PITPNC1: variants seen among roughly 807,000 people sequenced by gnomAD.
PITPNC1 encodes phosphatidylinositol transfer protein cytoplasmic 1.
Under a neutral mutation model 44.7 loss-of-function variants are expected in PITPNC1, and 18 were observed. The ratio of observed to expected loss-of-function variants is 0.40; its 90% CI spans 0.28 to 0.60. The LOEUF is 0.60. PITPNC1 is among the 20% of genes least tolerant of loss of function. The pLI, the probability that PITPNC1 is intolerant of heterozygous loss-of-function variation, is 0.39. For synonymous variants in PITPNC1, 141 were observed against 149.6 expected (o/e 0.94, Z 0.42); for missense variants, 290 against 418.4 (o/e 0.69, Z 2.68).
chr17:67,406,100 A>T (rs1226128555), intron 1 of PITPNC1, among the ~76,000 whole-genome samples: 1 of 152,132 alleles, frequency 6.6e-6, no homozygotes, highest in African/African-American at 2.4e-5. Context: ...TCTTAAGGTT[A>T]TGCACCCATC....
At chr17:67,444,917 A>G (rs544812025) in intron 1 of PITPNC1, among the ~76,000 whole-genome samples, 3 of 152,130 alleles carry the variant, frequency 2.0e-5, no homozygotes, top group African/African-American at 7.2e-5. Flanking sequence ...AAGGCAAGGT[A>G]TATAAGTGTA....
At chr17:67,642,399 A>G (rs1030004489) in intron 6 of PITPNC1, among the ~76,000 whole-genome samples, 2 of 152,192 alleles carry the variant, frequency 1.3e-5, no homozygotes, top group African/African-American at 4.8e-5. Context: ...GGGTGCCCAG[A>G]GGTTTAGGAC....
Position 67,694,665 on chromosome 17 carries a change from T to A in PITPNC1, c.*1777T>A, listed in dbSNP as rs1446031729. On this transcript the variant is annotated 3_prime_UTR_variant, in exon 9 of 9. Transcript: ENST00000581322. The stretch of plus-strand genomic sequence containing the variant: ...GAACTCAAAGGAAACCTGTTGCAAA[T>A]AGCTTAGATCAACAGTGTATCTCTT... 1 of 152,150 alleles carries A rather than the reference T, an allele frequency of 6.6e-6. No individual in the cohort carries two copies. The highest frequency in any genetic ancestry group is 1.5e-5 in the Non-Finnish European group (1 of 68,014). 9.4% of individuals were successfully genotyped at this position (152,150 alleles called of 1,614,324 possible).
intron 1 of PITPNC1, among the ~76,000 whole-genome samples, chr17:67,387,941 G>A (rs568836449): frequency 1.3e-5 from 2 of 152,222 alleles, no homozygotes; most frequent in Admixed American, 6.5e-5. Context: ...TTCACTGGCC[G>A]CTCTGCAGTG....
intron 5 of PITPNC1, among the ~76,000 whole-genome samples, chr17:67,625,879 G>A (rs72839409): frequency 0.084 from 12,798 of 151,922 alleles, 620 homozygotes; most frequent in Middle Eastern, 0.14. Flanking sequence ...GAAAGTGGTC[G>A]AACTCTCTTT....
At chr17:67,669,819 C>G (rs2144401420) in intron 7 of PITPNC1, among the ~76,000 whole-genome samples, 156 bp downstream of exon 7, 1 of 152,280 alleles carries the variant, frequency 6.6e-6, no homozygotes, top group East Asian at 1.9e-4. Context: ...CACCTGTAAT[C>G]CTAGCACTTT....
intron 1 of PITPNC1, among the ~76,000 whole-genome samples, chr17:67,465,682 G>A (rs1047908143): frequency 6.6e-6 from 1 of 152,112 alleles, no homozygotes; most frequent in African/African-American, 2.4e-5. Context: ...TGATGTTCGG[G>A]GCTTTAGCTG....
intron 5 of PITPNC1, among the ~76,000 whole-genome samples, chr17:67,579,192 C>T (rs1184090771): frequency 3.3e-5 from 5 of 152,170 alleles, no homozygotes. Flanking sequence ...GGGTAAAACC[C>T]ATCTTCTGAC....
intron 1 of PITPNC1, among the ~76,000 whole-genome samples, chr17:67,422,609 G>A (rs2038686479): frequency 6.6e-6 from 1 of 152,058 alleles, no homozygotes; most frequent in African/African-American, 2.4e-5. Context: ...GCACGGTGGT[G>A]TGATCTCGGC....
At chr17:67,502,149 A>G (rs2040039242) in intron 1 of PITPNC1, among the ~76,000 whole-genome samples, 1 of 122,590 alleles carries the variant, frequency 8.2e-6, no homozygotes, top group African/African-American at 2.6e-5. Context: ...ACTAACAGCA[A>G]AGTAATAAGA....
At chr17:67,429,567 G>A (rs1312368235) in intron 1 of PITPNC1, among the ~76,000 whole-genome samples, 2 of 151,970 alleles carry the variant, frequency 1.3e-5, no homozygotes, top group South Asian at 2.1e-4. Context: ...GCGTGGTGGC[G>A]ATTGCCTATA....
chr17:67,670,701 A>G (rs1247377169), intron 7 of PITPNC1, among the ~76,000 whole-genome samples: 1 of 147,010 alleles, frequency 6.8e-6, no homozygotes, highest in African/African-American at 2.5e-5. Flanking sequence ...CAGTGAGCCA[A>G]GATCGTGCTG....
At chr17:67,607,237 G>A (rs369754189) in intron 5 of PITPNC1, among the ~76,000 whole-genome samples, 2 of 152,182 alleles carry the variant, frequency 1.3e-5, no homozygotes, top group South Asian at 2.1e-4. Flanking sequence ...GTGCTTTTCT[G>A]ACTACCTCCT....
intron 7 of PITPNC1, among the ~76,000 whole-genome samples, chr17:67,672,346 A>T (rs1162185634): frequency 6.6e-6 from 1 of 151,984 alleles, no homozygotes; most frequent in Admixed American, 6.6e-5. Context: ...CTGTAATCCC[A>T]GCACTTTGAG....
intron 1 of PITPNC1, among the ~76,000 whole-genome samples, chr17:67,420,415 T>C (rs1025978821): frequency 1.4e-5 from 2 of 139,754 alleles, no homozygotes; most frequent in South Asian, 2.7e-4. Flanking sequence ...CTTCCTTCCT[T>C]CCTCTTCTCT....
At chr17:67,384,428 C>CTTTT (rs60147017) in intron 1 of PITPNC1, among the ~76,000 whole-genome samples, 5 of 142,756 alleles carry the variant, frequency 3.5e-5, no homozygotes, top group Non-Finnish European at 3.0e-5. Flanking sequence ...TCCTTGTTCT[C>CTTTT]TTTTTTTTTT....
intron 6 of PITPNC1, among the ~76,000 whole-genome samples, chr17:67,655,526 C>G (rs946607532): frequency 7.0e-6 from 1 of 142,564 alleles, no homozygotes; most frequent in African/African-American, 2.7e-5. Flanking sequence ...CACCACTGCA[C>G]TCCAGCCTGG....
At chr17:67,662,603 G>A (rs887817539) in intron 6 of PITPNC1, among the ~76,000 whole-genome samples, 1 of 152,022 alleles carries the variant, frequency 6.6e-6, no homozygotes, top group African/African-American at 2.4e-5. Context: ...CCTTCCCCCA[G>A]CTTTAGGCAA....
chr17:67,407,541 G>A (rs1050283268), intron 1 of PITPNC1, among the ~76,000 whole-genome samples: 5 of 152,176 alleles, frequency 3.3e-5, no homozygotes, highest in East Asian at 1.9e-4. Flanking sequence ...GGTGGCTCAC[G>A]CCTGTAATCC....
Sources: allele counts gnomAD v4.1 joint callset (sites outside exome capture counted in the v4.1 genomes callset), GRCh38; gene constraint gnomAD v4.1.1; transcripts MANE v1.5; gene names NCBI Gene and HGNC (gene_info 2026-07-23, HGNC 2026-07-21).